Variants in MYO7B observed in about 807,000 individuals in gnomAD.
MYO7B encodes myosin VIIB.
Under a neutral mutation model 259.7 loss-of-function variants are expected in MYO7B, and 212 were observed. The ratio of observed to expected loss-of-function variants is 0.82; its 90% confidence interval spans 0.73 to 0.91. The LOEUF (loss-of-function observed/expected upper bound fraction) is 0.91, where lower values mean the gene tolerates loss of function less well. MYO7B is among the 40% of genes least tolerant of loss of function. The pLI is 0.00. For missense variants in MYO7B, 2,732 were observed against 2,813.5 expected (o/e 0.97, Z 0.66); for synonymous variants, 1,197 against 1,166.4 (o/e 1.03, Z -0.54).
intron 27 of MYO7B, among the ~76,000 whole-genome samples, chr2:127,620,713 G>A (rs1344208471): frequency 6.6e-6 from 1 of 152,242 alleles, no homozygotes; most frequent in Non-Finnish European, 1.5e-5. Context: ...CTTTGGCTCA[G>A]GTGTCAGGAT....
At chr2:127,632,211 G>T in intron 38 of MYO7B, 35 bp from the exon 39 acceptor site, 1 of 1,599,414 alleles carries the variant, frequency 6.3e-7, no homozygotes, top group Non-Finnish European at 8.5e-7. Context: ...GGCCCCCTGA[G>T]GGGCCTTTCC....
intron 11 of MYO7B, 63 bp downstream of exon 11, chr2:127,582,073 G>A (rs1679125369): frequency 6.2e-7 from 1 of 1,607,384 alleles, no homozygotes. Context: ...GCTTCTTGCT[G>A]TGCCGGTGGA....
Position 127,627,231 on chromosome 2 carries a change from G to C in MYO7B, c.4381G>C (p.Gly1461Arg), listed in dbSNP as rs201529844. ...TQLILAVNWK[G>R]LCFLDQQEKM... The stretch of plus-strand genomic sequence containing the variant: ...GCTGATCTTGGCTGTTAACTGGAAG[G>C]GGCTTTGCTTCCTGGACCAGCAGGA... Residue 1461 changes from glycine to arginine, a missense_variant, in exon 33 of 48, where the codon GGG (glycine) becomes CGG (arginine). Physicochemically the swap from Gly to Arg is moderately radical, Grantham distance 125. Transcript: ENST00000409816. This position sits in a 1 kb window ranked among gnomAD's most constrained non-coding sequence, Gnocchi z 5.6. 1 of 1,611,152 alleles carries C rather than the reference G, an allele frequency of 6.2e-7. No homozygotes were observed. Among genetic ancestry groups the C allele is most frequent in the Non-Finnish European group, 8.5e-7 (1 of 1,178,994 alleles).
At chr2:127,537,737 G>A (rs1692845922) in intron 1 of MYO7B, among the ~76,000 whole-genome samples, 1 of 152,044 alleles carries the variant, frequency 6.6e-6, no homozygotes, top group Admixed American at 6.6e-5. Context: ...AGGAGGAGGA[G>A]AAGGAAGGAT....
intron 8 of MYO7B, 96 bp from the exon 9 acceptor site, chr2:127,578,037 T>C: frequency 2.7e-6 from 4 of 1,458,714 alleles, no homozygotes; most frequent in Non-Finnish European, 2.8e-6. Flanking sequence ...GGTCCACCCA[T>C]TGCCTATGAA....
chr2:127,617,048 G>C (rs543822306), intron 26 of MYO7B, among the ~76,000 whole-genome samples: 5 of 152,260 alleles, frequency 3.3e-5, no homozygotes, highest in Admixed American at 3.3e-4. Flanking sequence ...TTTTAGATCT[G>C]TCAGTTACCA....
intron 16 of MYO7B, among the ~76,000 whole-genome samples, chr2:127,592,147 A>T (rs939909528): frequency 1.3e-5 from 2 of 152,128 alleles, no homozygotes; most frequent in Non-Finnish European, 2.9e-5. Flanking sequence ...TAATCCCAGC[A>T]CTCTGGGACG....
chr2:127,623,875 A>AG (rs1443170853), intron 29 of MYO7B, among the ~76,000 whole-genome samples: 1 of 152,286 alleles, frequency 6.6e-6, no homozygotes, highest in East Asian at 1.9e-4. Flanking sequence ...TCCTTAGGGA[A>AG]GGGGCTGCAG....
Position 127,624,088 on chromosome 2 carries a change from C to T in MYO7B, c.3820-5C>T, listed in dbSNP as rs1680981979. 6.4e-7 allele frequency: 1 copy of T among 1,557,646 alleles called. No homozygotes were observed. Among genetic ancestry groups the T allele is most frequent in the Admixed American group, 1.9e-5 (1 of 52,730 alleles). ...CTAACCCCTGCTCCCCGACTCTGGC[C>T]TCAGTTCTGGTCCCTGGGCAGCGGG... On this transcript the variant is annotated splice_polypyrimidine_tract_variant and splice_region_variant and intron_variant, in intron 29 of 47. Coordinates refer to ENST00000409816, the MANE Select transcript of MYO7B (RefSeq NM_001393586.1).
At chr2:127,591,567 C>T (rs1679559140) in intron 16 of MYO7B, among the ~76,000 whole-genome samples, 1 of 152,240 alleles carries the variant, frequency 6.6e-6, no homozygotes, top group Non-Finnish European at 1.5e-5. Flanking sequence ...AAACACCAGG[C>T]CCATAGGAAA....
intron 19 of MYO7B, 76 bp from the exon 20 acceptor site, chr2:127,605,768 A>C (rs1680137700): frequency 7.5e-7 from 1 of 1,331,974 alleles, no homozygotes; most frequent in Non-Finnish European, 1.1e-6. Context: ...GTTCCCTTCC[A>C]AACCAGTTTT....
At chr2:127,556,454 C>T (rs1023124332) in intron 1 of MYO7B, among the ~76,000 whole-genome samples, 16 of 151,972 alleles carry the variant, frequency 1.1e-4, no homozygotes, top group African/African-American at 3.6e-4. Flanking sequence ...GCCTGTATAC[C>T]TTTTAATTGC....
chr2:127,623,874 A>G (rs1186972463), intron 29 of MYO7B, among the ~76,000 whole-genome samples: 1 of 152,138 alleles, frequency 6.6e-6, no homozygotes, highest in Non-Finnish European at 1.5e-5. Flanking sequence ...CTCCTTAGGG[A>G]AGGGGCTGCA....
At chr2:127,541,358 G>A (rs1159711187) in intron 1 of MYO7B, among the ~76,000 whole-genome samples, 1 of 152,240 alleles carries the variant, frequency 6.6e-6, no homozygotes, top group African/African-American at 2.4e-5. Flanking sequence ...TAGGCCGACA[G>A]CATAGCATAA....
At chr2:127,573,823 T>C in intron 6 of MYO7B, 97 bp from the exon 7 acceptor site, 1 of 1,496,592 alleles carries the variant, frequency 6.7e-7, no homozygotes, top group African/African-American at 1.4e-5. Flanking sequence ...AATTCGAGGC[T>C]TGGCCACCTC....
chr2:127,606,486 T>A (rs1259563737), intron 20 of MYO7B, among the ~76,000 whole-genome samples: 1 of 152,246 alleles, frequency 6.6e-6, no homozygotes, highest in Non-Finnish European at 1.5e-5. Context: ...TGATAGTAGC[T>A]GACCTGTGTG....
chr2:127,575,184 A>G (rs1321042191), intron 7 of MYO7B, among the ~76,000 whole-genome samples: 2 of 152,138 alleles, frequency 1.3e-5, no homozygotes, highest in African/African-American at 4.8e-5. Context: ...ATCTCATTTG[A>G]CCTTCACAAC....
In MYO7B at chr2:127,631,247, T is replaced by C; in HGVS notation, c.4979T>C (p.Leu1660Pro). Residue 1660 changes from leucine (L) to proline (P), a missense_variant, in exon 37 of 48, where the codon CTG (leucine) becomes CCG (proline). Physicochemically the swap from Leu to Pro is moderately conservative, Grantham distance 98. This residue lies in a region of MYO7B where 821 missense variants were observed against 769.3 expected (regional missense o/e 1.07). Transcript: ENST00000409816. ...ATGGTGAGCATGGCCGTGCTGCCCC[T>C]GGCCCGTGCCCGTGGCCACCTGTGG... Reference protein sequence around the residue: ...KDMVSMAVLPLARARGHLWAY... With the variant: ...KDMVSMAVLPPARARGHLWAY... 2 of 1,610,798 alleles carry C rather than the reference T, an allele frequency of 1.2e-6. No individual in the cohort carries two copies. The highest frequency in any genetic ancestry group is 1.7e-6 in the Non-Finnish European group (2 of 1,178,454).
rs1242698979 is a variant in MYO7B at position 127,585,329 on chromosome 2, A to T, written c.1690+416A>T. On this transcript the variant is annotated intron_variant, in intron 14 of 47. Transcript: ENST00000409816. The surrounding 1 kb of genome is among the most constrained non-coding windows in gnomAD (Gnocchi z 4.3). ...CTATTCTGACTTTTTGCATAAATGGAACCATATAATACGTGGTCTTCTGTG... is the reference window on the plus strand; with the variant it reads ...CTATTCTGACTTTTTGCATAAATGGTACCATATAATACGTGGTCTTCTGTG... Among the ~76,000 whole-genome samples, 2 of 152,158 alleles carry T rather than the reference A, an allele frequency of 1.3e-5. No homozygotes were observed. The highest frequency in any genetic ancestry group is 4.8e-5 in the African/African-American group (2 of 41,434).
Sources: gnomAD v4.1 joint callset for allele counts (sites outside exome capture counted in the v4.1 genomes callset) on GRCh38, gnomAD v4.1.1 for gene constraint, gnomAD v4.1.1 regional missense constraint, Gnocchi (gnomAD v3.1) non-coding constraint, MANE v1.5 for transcripts, NCBI Gene and HGNC (gene_info 2026-07-23, HGNC 2026-07-21) for gene names.